LRRC57: variants seen among roughly 807,000 people sequenced by gnomAD.
LRRC57 encodes the protein leucine-rich repeat-containing protein 57.
A neutral mutation model predicts 23.1 loss-of-function variants in LRRC57; 14 were observed. That is an observed-to-expected ratio of 0.61 (90% CI 0.40 to 0.95). LRRC57 has a LOEUF of 0.95. LRRC57 is among the 40% of genes least tolerant of loss of function. The pLI is 0.00. For missense variants in LRRC57, 236 were observed against 284.4 expected (o/e 0.83, Z 1.22); for synonymous variants, 106 against 115.2 (o/e 0.92, Z 0.51).
downstream of LRRC57, chr15:42,533,208 C>A (rs1018562654): frequency 1.3e-5 from 2 of 152,178 alleles, no homozygotes; most frequent in Admixed American, 6.5e-5. Flanking sequence ...TAGCATCTTT[C>A]CAGTATTTAT....
At chr15:42,531,587 A>G in the LRRC57 span, 9 of 774,962 alleles carry the variant, frequency 1.2e-5, no homozygotes, top group Admixed American at 7.5e-5. Flanking sequence ...TAATTGGGAG[A>G]TAATATGGAA....
chr15:42,533,793 T>A (rs1387406626), downstream of LRRC57, among the ~76,000 whole-genome samples: 1 of 152,224 alleles, frequency 6.6e-6, no homozygotes, highest in Non-Finnish European at 1.5e-5. Flanking sequence ...ACCATAAAGC[T>A]AGTATTGCAA....
In LRRC57 at chr15:42,547,293, G is replaced by C; in HGVS notation, c.460C>G (p.Gln154Glu). 2 of 1,614,186 alleles carry C rather than the reference G, an allele frequency of 1.2e-6. No individual in the cohort carries two copies. Among genetic ancestry groups the C allele is most frequent in the Non-Finnish European group, 1.7e-6 (2 of 1,180,038 alleles). ...TGGTTGAGGTTGAGTTCGATGACTT[G>C]CAGCTCTCCCACTGAGTCAGGTATA... Reference protein sequence around the residue: ...RSIPDSVGELQVIELNLNQNQ... With the variant: ...RSIPDSVGELEVIELNLNQNQ... The change falls in exon 4 of 6, where the codon CAA becomes GAA. Residue 154 changes from glutamine to glutamate, a missense_variant. Physicochemically the swap from Gln to Glu is conservative, Grantham distance 29. Coordinates refer to ENST00000397130, the MANE Select transcript of LRRC57 (RefSeq NM_153260.3).
At chr15:42,532,124 C>G in the LRRC57 span, 1 of 151,370 alleles carries the variant, frequency 6.6e-6, no homozygotes, top group African/African-American at 2.4e-5. Flanking sequence ...CAGAGTCTCG[C>G]TCTCTTGTCC....
chr15:42,537,233 T>TCTCACACA (rs1166056089), downstream of LRRC57, among the ~76,000 whole-genome samples: 6 of 136,590 alleles, frequency 4.4e-5, no homozygotes, highest in South Asian at 2.3e-4. Context: ...TCTCTCTCTC[T>TCTCACACA]CACACACACA....
chr15:42,546,000 C>T (rs1031773604), intron 4 of LRRC57, among the ~76,000 whole-genome samples: 1 of 152,200 alleles, frequency 6.6e-6, no homozygotes, highest in Non-Finnish European at 1.5e-5. Flanking sequence ...ACAAGATTCA[C>T]CACAGACAAC....
In LRRC57 at chr15:42,545,280, A is replaced by T; in HGVS notation, c.493-18T>A. On this transcript the variant is annotated intron_variant, in intron 4 of 5. Transcript: ENST00000397130. ...TGAGATATCTATTGAAAAACCACAAAAGAATAACAGGAAAAAGCATAAGCA... is the reference window on the plus strand; with the variant it reads ...TGAGATATCTATTGAAAAACCACAATAGAATAACAGGAAAAAGCATAAGCA... 1 of 1,539,822 alleles carries T rather than the reference A, an allele frequency of 6.5e-7. No homozygotes were observed. Among genetic ancestry groups the T allele is most frequent in the Non-Finnish European group, 8.7e-7 (1 of 1,144,524 alleles).
At position 42,548,373 on chromosome 15, in the gene LRRC57, A is replaced by G; in HGVS notation, c.62T>C (p.Leu21Pro). ...CACCTCGGTCAGCCCTCGGTCCTTAAGCTGAAAGACACCAGTTTTCTGCGC... is the reference window on the plus strand; with the variant it reads ...CACCTCGGTCAGCCCTCGGTCCTTAGGCTGAAAGACACCAGTTTTCTGCGC... ...ETAQKTGVFQ[L>P]KDRGLTEFPA... The change falls in exon 2 of 6, where the codon CTT (leucine) becomes CCT (proline). Residue 21 changes from leucine (L) to proline (P), a missense_variant. By Grantham distance (98) the Leu-to-Pro change is moderately conservative. Transcript: ENST00000397130. 6.2e-7 allele frequency: 1 copy of G among 1,614,194 alleles called. No individual in the cohort carries two copies. Among genetic ancestry groups the G allele is most frequent in the Non-Finnish European group, 8.5e-7 (1 of 1,180,034 alleles).
Position 42,545,083 on chromosome 15 carries a change from A to T in LRRC57, c.672T>A (p.Tyr224Ter). Reference protein sequence around the residue: ...EIKKLRELEGYDKYMERFTAT... With the variant: ...EIKKLRELEG ...GAAGTACATTAATTCATACCTTATC[A>T]TAGCCTTCCAGTTCTCGAAGTTTCT... The change falls in exon 5 of 6, where the codon TAT becomes TAA. Residue 224 changes from tyrosine to a stop codon, truncating the protein, a stop_gained. Transcript: ENST00000397130. LOFTEE classifies it high-confidence loss of function. The T allele has an allele frequency of 6.3e-7, 1 of 1,595,100 alleles. No individual in the cohort carries two copies. The highest frequency in any genetic ancestry group is 1.1e-5 in the South Asian group (1 of 88,026).
At chr15:42,530,546 G>A in the LRRC57 span, among the ~76,000 whole-genome samples, 2 of 152,146 alleles carry the variant, frequency 1.3e-5, no homozygotes, top group Non-Finnish European at 2.9e-5. Context: ...GATTGCTTGA[G>A]CTCAGGAGTT....
chr15:42,546,139 A>G (rs1028908416), intron 4 of LRRC57, among the ~76,000 whole-genome samples: 18 of 152,212 alleles, frequency 1.2e-4, no homozygotes, highest in Non-Finnish European at 2.4e-4. Flanking sequence ...GATTCTGCCC[A>G]GTATCATCTC....
At chr15:42,529,565 A>G in the LRRC57 span, 3 of 1,085,974 alleles carry the variant, frequency 2.8e-6, no homozygotes, top group African/African-American at 3.2e-5. Flanking sequence ...ATTCTTTTGG[A>G]TCTTATACTT....
At chr15:42,545,023 C>A in intron 5 of LRRC57, 54 bp downstream of exon 5, 1 of 1,310,666 alleles carries the variant, frequency 7.6e-7, no homozygotes, top group Non-Finnish European at 1.0e-6. Context: ...GATTACTTCA[C>A]CATTGTCTTC....
downstream of LRRC57, among the ~76,000 whole-genome samples, chr15:42,534,191 C>T (rs1470421834): frequency 2.0e-5 from 3 of 152,138 alleles, no homozygotes; most frequent in African/African-American, 7.2e-5. Flanking sequence ...AGTGCAGTGG[C>T]GTGATCTGGG....
In LRRC57 at chr15:42,548,756, T is replaced by C. The variant is rs1173833967; in HGVS notation, c.-86A>G. 2.6e-5 allele frequency: 19 copies of C among 742,662 alleles called. No individual in the cohort carries two copies. The highest frequency in any genetic ancestry group is 3.6e-5 in the South Asian group (2 of 55,530). The allele number at this position is 742,662 out of a possible 1,614,324, so 46.0% of individuals were successfully genotyped here. On this transcript the variant is annotated 5_prime_UTR_variant, in exon 1 of 6. Transcript: ENST00000397130. ...GACCCAGGACCCGCAGTAGCCGGGA[T>C]GCGCTCCCCGGCTTAGTCCCGGGCG... is the stretch of plus-strand genomic sequence containing the variant.
chr15:42,545,115 CA>C lies in LRRC57; in HGVS notation c.639del (p.Phe213LeufsTer3). 1 of 1,604,826 alleles carries C rather than the reference CA, an allele frequency of 6.2e-7. No individual in the cohort carries two copies. Among genetic ancestry groups the C allele is most frequent in the Non-Finnish European group, 8.5e-7 (1 of 1,176,682 alleles). The part of the protein sequence containing the change: ...ICLLAVEGNL[F>X]EIKKLRELEG... ...TCCAGTTCTCGAAGTTTCTTTATTT[CA>C]AAAAGATTGCCTTCCACAGCAAGCA... is the stretch of plus-strand genomic sequence containing the variant. On this transcript the variant is annotated frameshift_variant, in exon 5 of 6. Transcript: ENST00000397130. LOFTEE classifies it high-confidence loss of function.
chr15:42,535,416 G>GT (rs966478871), downstream of LRRC57, among the ~76,000 whole-genome samples: 7 of 151,392 alleles, frequency 4.6e-5, no homozygotes, highest in African/African-American at 1.5e-4. Flanking sequence ...GTTAACCGGC[G>GT]TAAGAGGCCT....
At position 42,541,549 on chromosome 15, in the gene LRRC57, C is replaced by G. The variant is rs975161830; in HGVS notation, c.*2534G>C. ...GAGAACACCTAGACCAGATTTACGT[C>G]AGAAAGATTTTGTCGTGGAGGTTAA... is the stretch of plus-strand genomic sequence containing the variant. On this transcript the variant is annotated 3_prime_UTR_variant, in exon 6 of 6. Coordinates refer to ENST00000397130, the MANE Select transcript of LRRC57 (RefSeq NM_153260.3). 3.3e-5 allele frequency: 5 copies of G among 152,122 alleles called. No individual in the cohort carries two copies. Among genetic ancestry groups the G allele is most frequent in the Non-Finnish European group, 7.4e-5 (5 of 68,018 alleles). 9.4% of individuals were successfully genotyped at this position (152,122 alleles called of 1,614,324 possible). A position where few individuals can be genotyped will look rare whatever the true frequency, so the allele number is the denominator to read the frequency against.
intron 5 of LRRC57, 147 bp downstream of exon 5, chr15:42,544,930 A>G: frequency 1.7e-6 from 1 of 578,388 alleles, no homozygotes; most frequent in East Asian, 3.0e-5. Flanking sequence ...TCTTGGTACA[A>G]TACCATTCAG....
Sources: allele counts gnomAD v4.1 joint callset (sites outside exome capture counted in the v4.1 genomes callset), GRCh38; gene constraint gnomAD v4.1.1; transcripts MANE v1.5; gene names NCBI Gene and HGNC (gene_info 2026-07-23, HGNC 2026-07-21).